The following RAB12 variants were observed in gnomAD, a reference collection of about 807,000 sequenced individuals.
RAB12 encodes the protein ras-related protein Rab-12.
In RAB12, 11 loss-of-function variants were observed where a neutral mutation model predicts 28.4. The observed-to-expected ratio is 0.39, with a 90% confidence interval of 0.24 to 0.64. The LOEUF is 0.64. RAB12 is among the 30% of genes least tolerant of loss of function. The pLI is 0.50. For synonymous variants in RAB12, 138 were observed against 145.3 expected (o/e 0.95, Z 0.36); for missense variants, 276 against 351.1 (o/e 0.79, Z 1.71).
At position 8,638,247 on chromosome 18, in the gene RAB12, T is replaced by C. The variant is rs777290251; in HGVS notation, c.1008T>C (p.His336=). 1.2e-6 allele frequency: 2 copies of C among 1,612,032 alleles called. No individual in the cohort carries two copies. Among genetic ancestry groups the C allele is most frequent in the South Asian group, 2.2e-5 (2 of 90,966 alleles). ...CAGAACTGCCTCCACCAAGACCACATGTCCGATGCTGTTGATTTCCTACTT... is the reference window on the plus strand; with the variant it reads ...CAGAACTGCCTCCACCAAGACCACACGTCCGATGCTGTTGATTTCCTACTT... ...IPPELPPPRP[H]VRCC Residue 336 remains histidine, a synonymous_variant, in exon 6 of 6, where the codon CAT becomes CAC. Transcript: ENST00000649141.
chr18:8,626,760 C>T (rs1057220677), intron 2 of RAB12, among the ~76,000 whole-genome samples: 5 of 152,206 alleles, frequency 3.3e-5, no homozygotes, highest in African/African-American at 9.7e-5. Flanking sequence ...CCAAATGACC[C>T]CTCTCCCTCT....
At chr18:8,637,535 AATTG>A (rs1289274891) in intron 5 of RAB12, among the ~76,000 whole-genome samples, 2 of 152,114 alleles carry the variant, frequency 1.3e-5, no homozygotes, top group Non-Finnish European at 2.9e-5. Context: ...TTTAATGTCT[AATTG>A]ATCTTTAACG....
At position 8,639,235 on chromosome 18, in the gene RAB12, T is replaced by TTATTAA. The variant is rs2096021065; in HGVS notation, c.*974_*979dup. On this transcript the variant is annotated 3_prime_UTR_variant, in exon 6 of 6. Coordinates refer to ENST00000649141, the MANE Select transcript of RAB12 (RefSeq NM_001025300.3). Reference sequence around the variant, plus strand: ...GTGAACTCTATCTTTGGTATATCTTTTATTAAACTGCACTGTTTTGTTTAG... The same window carrying TTATTAA: ...GTGAACTCTATCTTTGGTATATCTTTTATTAATATTAAACTGCACTGTTTTGTTTAG... 1 of 147,278 alleles carries TTATTAA rather than the reference T, an allele frequency of 6.8e-6. No homozygotes were observed. The highest frequency in any genetic ancestry group is 6.9e-5 in the Admixed American group (1 of 14,520). 9.1% of individuals were successfully genotyped at this position (147,278 alleles called of 1,614,324 possible).
At chr18:8,620,499 C>A (rs2096009311) in intron 1 of RAB12, among the ~76,000 whole-genome samples, 2 of 151,828 alleles carry the variant, frequency 1.3e-5, no homozygotes, top group African/African-American at 2.4e-5. Context: ...CTCATATTTC[C>A]CCTGTGTCCT....
rs1555615822 is a variant in RAB12, at chr18:8,614,520, A to AAAG, written c.514+4569_514+4570insGAA. ...GTAAGAACATTAAAAAAAAAAAAAG[A>AAAG]AAAAAAAAAGACTTAAAAAAATTAG... is the stretch of plus-strand genomic sequence containing the variant. On this transcript the variant is annotated intron_variant, in intron 1 of 5. Transcript: ENST00000649141. Among the ~76,000 whole-genome samples the AAAG allele has an allele frequency of 2.8e-3, 361 of 127,666 alleles. 6 individuals are homozygous for AAAG. Among genetic ancestry groups the AAAG allele is most frequent in the African/African-American group, 9.0e-3 (293 of 32,620 alleles). The allele number at this position is 127,666 out of a possible 152,430, so 83.8% of individuals were successfully genotyped here. A position where few individuals can be genotyped will look rare whatever the true frequency, so the allele number is the denominator to read the frequency against.
intron 4 of RAB12, 141 bp from the exon 5 acceptor site, chr18:8,636,112 T>C (rs986810918): frequency 1.5e-6 from 1 of 651,542 alleles, no homozygotes; most frequent in African/African-American, 1.8e-5. Context: ...GCTACACTTG[T>C]GAACTTTATC....
chr18:8,620,406 G>A (rs1412875158), intron 1 of RAB12, among the ~76,000 whole-genome samples: 2 of 152,100 alleles, frequency 1.3e-5, no homozygotes, highest in Non-Finnish European at 2.9e-5. Flanking sequence ...ATTAGTGTGT[G>A]TAGGGAGAGG....
intron 1 of RAB12, among the ~76,000 whole-genome samples, chr18:8,616,815 G>T (rs2096006966): frequency 6.6e-6 from 1 of 151,992 alleles, no homozygotes. Context: ...TGTGGTCCCA[G>T]CTACTTGGGA....
chr18:8,629,203 C>T (rs1567896197), intron 2 of RAB12, among the ~76,000 whole-genome samples: 1 of 152,128 alleles, frequency 6.6e-6, no homozygotes. Context: ...AAAGATTTAA[C>T]TCTTTATTGG....
chr18:8,638,404 T>G lies in RAB12; in HGVS notation c.*142T>G. The G allele has an allele frequency of 1.6e-6, 1 of 612,922 alleles. No homozygotes were observed. The highest frequency in any genetic ancestry group is 2.9e-6 in the Non-Finnish European group (1 of 346,580). 38.0% of individuals were successfully genotyped at this position (612,922 alleles called of 1,614,324 possible). A position where few individuals can be genotyped will look rare whatever the true frequency, so the allele number is the denominator to read the frequency against. On this transcript the variant is annotated 3_prime_UTR_variant, in exon 6 of 6. Transcript: ENST00000649141. The stretch of plus-strand genomic sequence containing the variant: ...ATACACTAACTTGTAAATATGCATA[T>G]ATGCAATCCTGGGTAAGTTTTGGTT...
At chr18:8,614,069 G>A (rs1166179438) in intron 1 of RAB12, among the ~76,000 whole-genome samples, 1 of 152,176 alleles carries the variant, frequency 6.6e-6, no homozygotes, top group Non-Finnish European at 1.5e-5. Flanking sequence ...CTGTTCCTTA[G>A]CTTACTTTCA....
At chr18:8,623,062 A>G (rs1398801322) in intron 1 of RAB12, among the ~76,000 whole-genome samples, 2 of 152,198 alleles carry the variant, frequency 1.3e-5, no homozygotes, top group Non-Finnish European at 2.9e-5. Context: ...CACATGCTCT[A>G]CAATTTGTGC....
intron 1 of RAB12, 23 bp downstream of exon 1, chr18:8,609,976 G>A: frequency 1.3e-6 from 2 of 1,585,898 alleles, no homozygotes; most frequent in Admixed American, 3.4e-5. Context: ...CGGCGACCCT[G>A]GGCCGGGCCT....
chr18:8,620,352 A>T (rs746878935), intron 1 of RAB12, among the ~76,000 whole-genome samples: 2 of 152,034 alleles, frequency 1.3e-5, no homozygotes, highest in Admixed American at 1.3e-4. Flanking sequence ...CCAGTTCTGT[A>T]TCTAAGGGAC....
intron 1 of RAB12, among the ~76,000 whole-genome samples, chr18:8,616,539 C>T (rs369052738): frequency 1.4e-4 from 22 of 152,212 alleles, no homozygotes; most frequent in East Asian, 7.7e-4. Context: ...TCCAACTCCA[C>T]GTCAGCACTT....
intron 1 of RAB12, among the ~76,000 whole-genome samples, chr18:8,614,852 A>G (rs1192642747): frequency 1.3e-5 from 2 of 152,198 alleles, no homozygotes; most frequent in Non-Finnish European, 1.5e-5. Context: ...CCAAAGAGCT[A>G]GGATTACAGG....
chr18:8,637,112 A>T (rs1394967186), intron 5 of RAB12, among the ~76,000 whole-genome samples: 5 of 152,078 alleles, frequency 3.3e-5, no homozygotes, highest in Admixed American at 2.6e-4. Context: ...AAAAAAATTT[A>T]AAAATTAGCA....
Position 8,638,406 on chromosome 18 carries a change from T to C in RAB12, c.*144T>C, listed in dbSNP as rs2096020207. ...ACACTAACTTGTAAATATGCATATATGCAATCCTGGGTAAGTTTTGGTTAT... is the reference window on the plus strand; with the variant it reads ...ACACTAACTTGTAAATATGCATATACGCAATCCTGGGTAAGTTTTGGTTAT... On this transcript the variant is annotated 3_prime_UTR_variant, in exon 6 of 6. Coordinates refer to ENST00000649141, the MANE Select transcript of RAB12 (RefSeq NM_001025300.3). 2 of 614,418 alleles carry C rather than the reference T, an allele frequency of 3.3e-6. No homozygotes were observed. Among genetic ancestry groups the C allele is most frequent in the Admixed American group, 5.9e-5 (2 of 33,796 alleles). 38.1% of individuals were successfully genotyped at this position (614,418 alleles called of 1,614,324 possible). A position where few individuals can be genotyped will look rare whatever the true frequency, so the allele number is the denominator to read the frequency against.
At chr18:8,618,048 G>A (rs2096007635) in intron 1 of RAB12, among the ~76,000 whole-genome samples, 1 of 152,154 alleles carries the variant, frequency 6.6e-6, no homozygotes, top group Admixed American at 6.5e-5. Flanking sequence ...ACTTCCATGA[G>A]AGGAACTGTC....
Sources: allele counts gnomAD v4.1 joint callset (sites outside exome capture counted in the v4.1 genomes callset), GRCh38; gene constraint gnomAD v4.1.1; transcripts MANE v1.5; gene names NCBI Gene and HGNC (gene_info 2026-07-23, HGNC 2026-07-21).